The following GARS1 variants were observed in gnomAD, a reference collection of about 807,000 sequenced individuals.
The protein encoded by GARS1 is glycine--tRNA ligase.
GARS1 carries 46 observed loss-of-function variants against 86.4 expected under a neutral mutation model. The observed-to-expected ratio is 0.53, with a 90% CI of 0.42 to 0.68. GARS1 has a LOEUF of 0.68. Ranked by LOEUF, GARS1 falls within the 30% of genes least tolerant of loss-of-function variation. The pLI is 0.00. For synonymous variants in GARS1, 342 were observed against 329.8 expected (o/e 1.04, Z -0.40); for missense variants, 797 against 915.6 (o/e 0.87, Z 1.67).
In GARS1 at chr7:30,632,520, A is replaced by G; in HGVS notation, c.2094+83A>G. 1 of 1,429,164 alleles carries G rather than the reference A, an allele frequency of 7.0e-7. No homozygotes were observed. The highest frequency in any genetic ancestry group is 9.8e-7 in the Non-Finnish European group (1 of 1,016,012). The allele number at this position is 1,429,164 out of a possible 1,614,324, so 88.5% of individuals were successfully genotyped here. On this transcript the variant is annotated intron_variant, in intron 16 of 16. Transcript: ENST00000389266. The surrounding 1 kb of genome is among the most constrained non-coding windows in gnomAD (Gnocchi z 4.1). ...ATTTGTGTTGGATTTTGATGTGTTT[A>G]TGCTCCCTTTCCTTTTTTTTTCTTT...
chr7:30,619,218 G>T (rs1782949346), intron 10 of GARS1, among the ~76,000 whole-genome samples: 1 of 152,080 alleles, frequency 6.6e-6, no homozygotes, highest in South Asian at 2.1e-4. Context: ...AAACCCCACT[G>T]GATGCCTGCT....
chr7:30,595,915 A>G (rs904714667), intron 1 of GARS1: 15 of 470,922 alleles, frequency 3.2e-5, no homozygotes, highest in Non-Finnish European at 5.7e-5. Context: ...GAATATTTTG[A>G]CATTTGATTT....
intron 9 of GARS1, 105 bp downstream of exon 9, chr7:30,616,163 C>T: frequency 7.5e-7 from 1 of 1,326,814 alleles, no homozygotes; most frequent in South Asian, 1.2e-5. Context: ...TTTTGGCAGT[C>T]ATTTGCTTTT....
intron 6 of GARS1, among the ~76,000 whole-genome samples, chr7:30,606,745 C>T (rs1791492528): frequency 6.6e-6 from 1 of 152,050 alleles, no homozygotes; most frequent in Non-Finnish European, 1.5e-5. Context: ...TCCAAGGAGC[C>T]CTGGTACTTG....
At chr7:30,595,176 C>T (rs761512824) in intron 1 of GARS1, 33 bp downstream of exon 1, 104 of 1,516,740 alleles carry the variant, frequency 6.9e-5, no homozygotes, top group African/African-American at 6.7e-4. Flanking sequence ...GCTAAGCCTC[C>T]GGCTCTCCTC....
chr7:30,600,923 C>A (rs565571129), intron 3 of GARS1, 136 bp from the exon 4 acceptor site: 8 of 749,100 alleles, frequency 1.1e-5, no homozygotes, highest in African/African-American at 1.7e-5. Context: ...AAGTAAGGTT[C>A]TTCAGTATTG....
At chr7:30,607,783 ACTAT>A (rs1313534158) in intron 6 of GARS1, among the ~76,000 whole-genome samples, 3 of 152,192 alleles carry the variant, frequency 2.0e-5, no homozygotes, top group Non-Finnish European at 4.4e-5. Flanking sequence ...TATTTAGTCT[ACTAT>A]CTTTCTCTTC....
chr7:30,628,664 A>G lies in GARS1; in HGVS notation c.1804A>G (p.Arg602Gly). Reference protein sequence around the residue: ...TFHVREGDEQRTFFSFPAVVA... With the variant: ...TFHVREGDEQGTFFSFPAVVA... ...CCATGTACGAGAAGGAGATGAACAG[A>G]GAACAGTAAGTTGTTGTGTACAGTG... is the stretch of plus-strand genomic sequence containing the variant. The change falls in exon 14 of 17, where the codon AGA (arginine) becomes GGA (glycine). Residue 602 changes from arginine to glycine, a missense_variant. Transcript: ENST00000389266. 6.2e-7 allele frequency: 1 copy of G among 1,600,946 alleles called. No homozygotes were observed. Among genetic ancestry groups the G allele is most frequent in the Non-Finnish European group, 8.6e-7 (1 of 1,168,250 alleles).
intron 12 of GARS1, 69 bp downstream of exon 12, chr7:30,622,531 A>G: frequency 1.3e-6 from 2 of 1,576,858 alleles, no homozygotes; most frequent in South Asian, 2.2e-5. Context: ...TTCTGAAAGG[A>G]TGAGATTAAT....
chr7:30,623,963 AAT>A (rs1201253525), intron 12 of GARS1, among the ~76,000 whole-genome samples: 1 of 152,218 alleles, frequency 6.6e-6, no homozygotes, highest in Non-Finnish European at 1.5e-5. Context: ...ACCCAGCAAA[AAT>A]ATCTTTCAAA....
At chr7:30,604,128 C>T (rs1791436232) in intron 6 of GARS1, among the ~76,000 whole-genome samples, 1 of 152,036 alleles carries the variant, frequency 6.6e-6, no homozygotes, top group African/African-American at 2.4e-5. Context: ...TTATTCTGAC[C>T]TTTTACCAAT....
At chr7:30,596,540 C>G (rs1423319753) in intron 1 of GARS1, among the ~76,000 whole-genome samples, 3 of 151,584 alleles carry the variant, frequency 2.0e-5, no homozygotes, top group African/African-American at 7.3e-5. Context: ...TAGCCTGGAA[C>G]TGCAGTGAAA....
At chr7:30,601,339 G>A (rs2128132736) in intron 4 of GARS1, 139 bp downstream of exon 4, 1 of 743,394 alleles carries the variant, frequency 1.3e-6, no homozygotes, top group Non-Finnish European at 2.1e-6. Context: ...ATATGGAAAA[G>A]CAAAGAAATG....
chr7:30,621,586 T>C, intron 11 of GARS1, 86 bp downstream of exon 11: 7 of 950,708 alleles, frequency 7.4e-6, no homozygotes, highest in Middle Eastern at 2.1e-4. Context: ...CCTTGTTCTA[T>C]GGATAAATGG....
At chr7:30,626,420 G>A in intron 13 of GARS1, 101 bp downstream of exon 13, 2 of 758,306 alleles carry the variant, frequency 2.6e-6, no homozygotes, top group Non-Finnish European at 4.7e-6. Flanking sequence ...GGAGTGCAGT[G>A]GCACAACCTC....
At chr7:30,630,348 G>C (rs1696726898) in intron 14 of GARS1, among the ~76,000 whole-genome samples, 1 of 152,104 alleles carries the variant, frequency 6.6e-6, no homozygotes, top group African/African-American at 2.4e-5. Flanking sequence ...CTTTGGGTGA[G>C]AGGCTAAACT....
intron 10 of GARS1, among the ~76,000 whole-genome samples, chr7:30,618,779 T>A (rs1454856186): frequency 1.3e-5 from 2 of 152,250 alleles, no homozygotes; most frequent in Non-Finnish European, 2.9e-5. Flanking sequence ...ATTAATGATG[T>A]TGTTTTTAAT....
intron 10 of GARS1, 140 bp from the exon 11 acceptor site, chr7:30,621,253 A>G (rs553562022): frequency 2.6e-6 from 2 of 764,622 alleles, no homozygotes; most frequent in East Asian, 2.7e-5. Context: ...CATTTCAAAT[A>G]TTTATGAAAT....
intron 2 of GARS1, 138 bp from the exon 3 acceptor site, chr7:30,599,809 G>GT (rs1199298054): frequency 2.6e-5 from 16 of 625,348 alleles, no homozygotes; most frequent in Non-Finnish European, 4.2e-5. Flanking sequence ...GGCTTCTATT[G>GT]TTTTTAACCT....
Sources: allele counts gnomAD v4.1 joint callset (sites outside exome capture counted in the v4.1 genomes callset), GRCh38; gene constraint gnomAD v4.1.1; non-coding constraint Gnocchi (gnomAD v3.1); transcripts MANE v1.5; gene names NCBI Gene and HGNC (gene_info 2026-07-23, HGNC 2026-07-21).